Variants in PDE3A observed in about 807,000 individuals in gnomAD.
PDE3A encodes phosphodiesterase 3A.
A neutral mutation model predicts 98.3 loss-of-function variants in PDE3A; 43 were observed. The ratio of observed to expected loss-of-function variants is 0.44; its 90% CI spans 0.34 to 0.56. PDE3A has a LOEUF of 0.56. Among genes scored for constraint, PDE3A ranks in the 20% least tolerant of loss-of-function variants. The pLI, the probability that PDE3A is intolerant of heterozygous loss-of-function variation, is 0.01. For missense variants in PDE3A, 1,427 were observed against 1,440.7 expected (o/e 0.99, Z 0.15); for synonymous variants, 663 against 567.9 (o/e 1.17, Z -2.38).
intron 2 of PDE3A, among the ~76,000 whole-genome samples, chr12:20,562,899 C>T (rs896853901): frequency 6.6e-6 from 1 of 152,076 alleles, no homozygotes; most frequent in East Asian, 1.9e-4. Context: ...GTGTAAAATA[C>T]TGGAAGATAG....
At chr12:20,461,586 A>G (rs1018091026) in intron 1 of PDE3A, among the ~76,000 whole-genome samples, 1 of 152,198 alleles carries the variant, frequency 6.6e-6, no homozygotes, top group African/African-American at 2.4e-5. Flanking sequence ...CTATAGGCTT[A>G]TCTAGAAAAA....
chr12:20,425,299 G>C (rs183976374), intron 1 of PDE3A, among the ~76,000 whole-genome samples: 84 of 152,130 alleles, frequency 5.5e-4, no homozygotes, highest in African/African-American at 2.0e-3. Context: ...GAAACTGAGC[G>C]ATTTTATTTT....
chr12:20,642,849 A>G (rs1031472362), intron 10 of PDE3A, among the ~76,000 whole-genome samples: 1 of 152,222 alleles, frequency 6.6e-6, no homozygotes, highest in Non-Finnish European at 1.5e-5. Context: ...AAAAATATTT[A>G]AAGTGTTACC....
intron 1 of PDE3A, among the ~76,000 whole-genome samples, chr12:20,377,008 G>A (rs190922291): frequency 1.3e-5 from 2 of 151,780 alleles, no homozygotes; most frequent in African/African-American, 4.8e-5. Flanking sequence ...GGGCACTCAT[G>A]TTCTTTCCTC....
At chr12:20,439,419 T>C (rs2120835698) in intron 1 of PDE3A, among the ~76,000 whole-genome samples, 1 of 152,322 alleles carries the variant, frequency 6.6e-6, no homozygotes, top group African/African-American at 2.4e-5. Context: ...TTATACTCAT[T>C]GATTCTTTAT....
intron 1 of PDE3A, among the ~76,000 whole-genome samples, chr12:20,427,977 G>A (rs1177755423): frequency 1.3e-5 from 2 of 152,108 alleles, no homozygotes; most frequent in Admixed American, 1.3e-4. Context: ...AGGCTGAGAC[G>A]GGCGGATCAC....
At chr12:20,483,156 C>T (rs1945662531) in intron 1 of PDE3A, among the ~76,000 whole-genome samples, 1 of 151,956 alleles carries the variant, frequency 6.6e-6, no homozygotes, top group Non-Finnish European at 1.5e-5. Flanking sequence ...TTTGGGAGGC[C>T]GAGGTGGGCG....
intron 1 of PDE3A, among the ~76,000 whole-genome samples, chr12:20,548,436 GACAA>G (rs1185061518): frequency 3.3e-5 from 5 of 151,770 alleles, no homozygotes; most frequent in African/African-American, 7.3e-5. Context: ...GATGGTGAGA[GACAA>G]ACATTTTTTT....
chr12:20,369,199 G>GTC lies in PDE3A; in HGVS notation c.-85_-84insCT. 1.2e-6 allele frequency: 1 copy of GTC among 843,034 alleles called. No homozygotes were observed. The highest frequency in any genetic ancestry group is 1.8e-6 in the Non-Finnish European group (1 of 551,564). The allele number at this position is 843,034 out of a possible 1,614,324, so 52.2% of individuals were successfully genotyped here. On this transcript the variant is annotated 5_prime_UTR_variant, in exon 1 of 16. Transcript: ENST00000359062. ...GGGAAGAGCGTGCGTGCGTGTGTGT[G>GTC]TGTGTGTGTGTGCGCGCGCGCGCGT...
chr12:20,619,545 A>G (rs942960326), intron 4 of PDE3A, among the ~76,000 whole-genome samples: 2 of 152,180 alleles, frequency 1.3e-5, no homozygotes, highest in Admixed American at 1.3e-4. Flanking sequence ...CAGTTAGTCA[A>G]TCCAGCAAAA....
intron 1 of PDE3A, among the ~76,000 whole-genome samples, chr12:20,513,013 TA>T (rs1219737059): frequency 6.6e-6 from 1 of 152,122 alleles, no homozygotes; most frequent in Non-Finnish European, 1.5e-5. Context: ...CAGAATTAAG[TA>T]AACAGAATTA....
intron 1 of PDE3A, among the ~76,000 whole-genome samples, chr12:20,547,137 A>G (rs979012623): frequency 3.3e-5 from 5 of 151,930 alleles, no homozygotes; most frequent in Non-Finnish European, 2.9e-5. Flanking sequence ...GGCTCTTTAT[A>G]CAATTATCTG....
At chr12:20,483,385 C>T (rs1400425938) in intron 1 of PDE3A, among the ~76,000 whole-genome samples, 1 of 152,056 alleles carries the variant, frequency 6.6e-6, no homozygotes, top group Non-Finnish European at 1.5e-5. Context: ...GACACTCCAT[C>T]TCAACAAAAA....
chr12:20,391,368 CATAT>C (rs370725569), intron 1 of PDE3A, among the ~76,000 whole-genome samples: 118 of 142,488 alleles, frequency 8.3e-4, no homozygotes, highest in African/African-American at 2.7e-3. Flanking sequence ...TATATATTCT[CATAT>C]ATATATATAT....
At position 20,592,079 on chromosome 12, in the gene PDE3A, C is replaced by G. The variant is rs370256294; in HGVS notation, c.1012-21364C>G. On this transcript the variant is annotated intron_variant, in intron 2 of 15. Transcript: ENST00000359062. ...ATAATTTTCAATATGGCACAGATAGCAGTATGTCTTCCAAGCAGAAAGACA... is the reference window on the plus strand; with the variant it reads ...ATAATTTTCAATATGGCACAGATAGGAGTATGTCTTCCAAGCAGAAAGACA... Among the ~76,000 whole-genome samples, 17 of 152,222 alleles carry G rather than the reference C, an allele frequency of 1.1e-4. No homozygotes were observed. The East Asian group carries it at 3.1e-3, about 28-fold the overall frequency.
At chr12:20,389,591 A>G (rs1177531776) in intron 1 of PDE3A, among the ~76,000 whole-genome samples, 1 of 151,952 alleles carries the variant, frequency 6.6e-6, no homozygotes, top group African/African-American at 2.4e-5. Context: ...ACGTTTGAAG[A>G]GTGCCCACAA....
At chr12:20,543,859 C>A (rs2121228216) in intron 1 of PDE3A, among the ~76,000 whole-genome samples, 1 of 151,926 alleles carries the variant, frequency 6.6e-6, no homozygotes, top group Middle Eastern at 3.4e-3. Flanking sequence ...GCTTTTTAAA[C>A]CTAATGATTC....
chr12:20,619,942 C>G (rs1046496112), intron 4 of PDE3A, among the ~76,000 whole-genome samples: 3 of 152,052 alleles, frequency 2.0e-5, no homozygotes, highest in African/African-American at 7.2e-5. Flanking sequence ...GCCGAATTTA[C>G]TAGTAATTAA....
chr12:20,617,175 G>A (rs527292034), intron 4 of PDE3A, among the ~76,000 whole-genome samples: 93 of 152,070 alleles, frequency 6.1e-4, no homozygotes, highest in South Asian at 3.5e-3. Context: ...CATCTATGTC[G>A]TATTATATGA....
Sources: allele counts gnomAD v4.1 joint callset (sites outside exome capture counted in the v4.1 genomes callset), GRCh38; gene constraint gnomAD v4.1.1; transcripts MANE v1.5; gene names NCBI Gene and HGNC (gene_info 2026-07-23, HGNC 2026-07-21).